Variants in ADAM19 observed in about 807,000 individuals in gnomAD.
The protein encoded by ADAM19 is disintegrin and metalloproteinase domain-containing protein 19.
ADAM19 carries 65 observed loss-of-function variants against 114.7 expected under a neutral mutation model. The observed-to-expected ratio is 0.57, with a 90% CI of 0.46 to 0.70. ADAM19 has a LOEUF of 0.70. ADAM19 is among the 30% of genes least tolerant of loss of function. The pLI, the probability that ADAM19 is intolerant of heterozygous loss-of-function variation, is 0.00. For synonymous variants in ADAM19, 466 were observed against 460.5 expected (o/e 1.01, Z -0.15); for missense variants, 1,063 against 1,204.7 (o/e 0.88, Z 1.74).
At chr5:157,520,839 T>G (rs1208596761) in intron 5 of ADAM19, among the ~76,000 whole-genome samples, 1 of 152,216 alleles carries the variant, frequency 6.6e-6, no homozygotes, top group Non-Finnish European at 1.5e-5. Context: ...ATACTAGCAC[T>G]GAACTCAGAA....
At chr5:157,505,550 T>C in intron 11 of ADAM19, 119 bp downstream of exon 11, 1 of 1,158,640 alleles carries the variant, frequency 8.6e-7, no homozygotes, top group Admixed American at 3.0e-5. Context: ...AACTACATTT[T>C]TTGGCCCCAT....
intron 3 of ADAM19, among the ~76,000 whole-genome samples, chr5:157,563,589 C>T (rs996598201): frequency 1.3e-5 from 2 of 152,150 alleles, no homozygotes; most frequent in Non-Finnish European, 2.9e-5. Flanking sequence ...TTATCTGCGA[C>T]GTCTGTGTGG....
chr5:157,500,067 C>T (rs1042698157), intron 12 of ADAM19, among the ~76,000 whole-genome samples: 2 of 152,164 alleles, frequency 1.3e-5, no homozygotes, highest in East Asian at 1.9e-4. Flanking sequence ...GCATGAACCA[C>T]CGCACCTGGC....
chr5:157,490,901 A>AC (rs1428853736), intron 18 of ADAM19, among the ~76,000 whole-genome samples: 2 of 151,714 alleles, frequency 1.3e-5, no homozygotes, highest in East Asian at 1.9e-4. Context: ...CAAAAAAAAA[A>AC]AAAAAACAAA....
chr5:157,541,284 C>T (rs1429797031), intron 3 of ADAM19, among the ~76,000 whole-genome samples: 1 of 152,194 alleles, frequency 6.6e-6, no homozygotes, highest in Non-Finnish European at 1.5e-5. Flanking sequence ...TTTCAGGAAA[C>T]GACTTGTGAG....
intron 11 of ADAM19, among the ~76,000 whole-genome samples, chr5:157,503,361 G>A (rs1167382419): frequency 2.0e-5 from 3 of 152,146 alleles, no homozygotes; most frequent in Non-Finnish European, 4.4e-5. Context: ...AAGAGGCGGG[G>A]AGGGATAGCA....
intron 3 of ADAM19, among the ~76,000 whole-genome samples, chr5:157,555,320 T>C (rs1757336255): frequency 6.6e-6 from 1 of 152,212 alleles, no homozygotes; most frequent in South Asian, 2.1e-4. Flanking sequence ...CATCTCCTAC[T>C]TTTTAGCTAT....
At position 157,507,107 on chromosome 5, in the gene ADAM19, C is replaced by G. The variant is rs768020355; in HGVS notation, c.939G>C (p.Leu313=). 1 of 1,614,144 alleles carries G rather than the reference C, an allele frequency of 6.2e-7. No homozygotes were observed. The highest frequency in any genetic ancestry group is 1.1e-5 in the South Asian group (1 of 91,086). The change falls in exon 10 of 23, where the codon CTG becomes CTC. Residue 313 remains leucine (L), a synonymous_variant. Coordinates refer to ENST00000257527, the MANE Select transcript of ADAM19 (RefSeq NM_033274.5). ...CAGAGCACATGGCCATGAGGGGGGC[C>G]AGGCCGATGGTGGTGCCGTGGAAGG... ...GMSFHGTTIG[L]APLMAMCSVY...
chr5:157,556,110 C>T (rs1211528551), intron 3 of ADAM19, among the ~76,000 whole-genome samples: 1 of 151,926 alleles, frequency 6.6e-6, no homozygotes, highest in African/African-American at 2.4e-5. Context: ...GGTGTGACCT[C>T]AGCTCACTGC....
intron 3 of ADAM19, among the ~76,000 whole-genome samples, chr5:157,556,064 C>T (rs924944782): frequency 5.3e-5 from 8 of 152,120 alleles, no homozygotes; most frequent in East Asian, 1.9e-4. Flanking sequence ...TTGTTTGAGA[C>T]GGAGTCTCGC....
At chr5:157,557,620 T>C (rs142420219) in intron 3 of ADAM19, among the ~76,000 whole-genome samples, 124 of 152,228 alleles carry the variant, frequency 8.1e-4, no homozygotes, top group African/African-American at 2.6e-3. Context: ...AGCAACAAAT[T>C]TACTTCTCAC....
At chr5:157,559,845 C>T (rs1397226534) in intron 3 of ADAM19, among the ~76,000 whole-genome samples, 2 of 152,116 alleles carry the variant, frequency 1.3e-5, no homozygotes, top group African/African-American at 2.4e-5. Flanking sequence ...TTCAAGGTCC[C>T]GTGATTTGGG....
Position 157,519,836 on chromosome 5 carries a change from C to T in ADAM19, c.600+3G>A, listed in dbSNP as rs888150053. On this transcript the variant is annotated splice_donor_region_variant and intron_variant, in intron 6 of 22. Coordinates refer to ENST00000257527, the MANE Select transcript of ADAM19 (RefSeq NM_033274.5). ...TTTCTGCACTGAGAGCCTCAAAACT[C>T]ACCCTGCGAGGTCGCTTCTTGGTCT... is the stretch of plus-strand genomic sequence containing the variant. 6.2e-7 allele frequency: 1 copy of T among 1,606,778 alleles called. No homozygotes were observed. The highest frequency in any genetic ancestry group is 8.5e-7 in the Non-Finnish European group (1 of 1,175,306).
In ADAM19 at chr5:157,502,802, C is replaced by G; in HGVS notation, c.1308+1G>C. 1 of 1,613,762 alleles carries G rather than the reference C, an allele frequency of 6.2e-7. No individual in the cohort carries two copies. The highest frequency in any genetic ancestry group is 8.5e-7 in the Non-Finnish European group (1 of 1,179,704). On this transcript the variant is annotated splice_donor_variant, in intron 12 of 22. Transcript: ENST00000257527. LOFTEE classifies it high-confidence loss of function. ...CCACTAGCACCATTGTGACCCCTCACCTCTTCTTCTCCACAGTCACACTCT... is the reference window on the plus strand; with the variant it reads ...CCACTAGCACCATTGTGACCCCTCAGCTCTTCTTCTCCACAGTCACACTCT...
At chr5:157,574,747 C>G (rs906909942) in intron 1 of ADAM19, among the ~76,000 whole-genome samples, 2 of 152,136 alleles carry the variant, frequency 1.3e-5, no homozygotes, top group South Asian at 2.1e-4. Context: ...GGGATGGAGC[C>G]GGGGAGGGGA....
chr5:157,520,819 T>C (rs1756265548), intron 5 of ADAM19, among the ~76,000 whole-genome samples: 1 of 152,252 alleles, frequency 6.6e-6, no homozygotes, highest in Admixed American at 6.5e-5. Flanking sequence ...TTTTCCTCCC[T>C]TGATTATAGA....
At chr5:157,525,682 G>A (rs961929470) in intron 5 of ADAM19, among the ~76,000 whole-genome samples, 1 of 128,574 alleles carries the variant, frequency 7.8e-6, no homozygotes, top group African/African-American at 2.9e-5. Context: ...ATTTAATGGG[G>A]AGAGGAAAAC....
intron 3 of ADAM19, among the ~76,000 whole-genome samples, chr5:157,551,432 G>A (rs199930776): frequency 0.027 from 2,036 of 75,334 alleles, 43 homozygotes; most frequent in African/African-American, 0.087. Flanking sequence ...AAAAAAAAAA[G>A]ACCAAAAAAA....
chr5:157,509,266 A>C (rs751427453), intron 9 of ADAM19, 35 bp downstream of exon 9: 21 of 1,570,670 alleles, frequency 1.3e-5, no homozygotes. Flanking sequence ...CTTTGCAGCC[A>C]AGGACAACAC....
Sources: gnomAD v4.1 joint callset for allele counts (sites outside exome capture counted in the v4.1 genomes callset) on GRCh38, gnomAD v4.1.1 for gene constraint, MANE v1.5 for transcripts, NCBI Gene and HGNC (gene_info 2026-07-23, HGNC 2026-07-21) for gene names.